RELN: variants seen among roughly 807,000 people sequenced by gnomAD.
The protein encoded by RELN is reelin.
A neutral mutation model predicts 427.6 loss-of-function variants in RELN; 108 were observed. That is an observed-to-expected ratio of 0.25 (90% CI 0.22 to 0.30). The LOEUF is 0.30. Among genes scored for constraint, RELN ranks in the 10% least tolerant of loss-of-function variants. The pLI, the probability that RELN is intolerant of heterozygous loss-of-function variation, is 1.00. For synonymous variants in RELN, 1,524 were observed against 1,513.4 expected (o/e 1.01, Z -0.16); for missense variants, 3,715 against 4,302.8 (o/e 0.86, Z 3.82).
Position 103,652,732 on chromosome 7 carries a change from T to G in RELN, c.1582A>C (p.Asn528His). ...KVPSLVSVVI[N>H]PELQTPATKF... is the part of the protein sequence containing the mutation. ...GTAGCAGGAGTCTGAAGTTCAGGATTGATGACCACAGAAACCAAAGACGGA... is the reference window on the plus strand; with the variant it reads ...GTAGCAGGAGTCTGAAGTTCAGGATGGATGACCACAGAAACCAAAGACGGA... Residue 528 changes from asparagine (N) to histidine (H), a missense_variant, in exon 14 of 65, where the codon AAT becomes CAT. Coordinates refer to ENST00000428762, the MANE Select transcript of RELN (RefSeq NM_005045.4). 2 of 1,612,800 alleles carry G rather than the reference T, an allele frequency of 1.2e-6. No homozygotes were observed. Among genetic ancestry groups the G allele is most frequent in the South Asian group, 1.1e-5 (1 of 91,058 alleles).
At chr7:103,958,084 G>T (rs542344730) in intron 1 of RELN, among the ~76,000 whole-genome samples, 2 of 152,296 alleles carry the variant, frequency 1.3e-5, no homozygotes, top group African/African-American at 4.8e-5. Flanking sequence ...GGGCAGAATA[G>T]TATCTACCTC....
At chr7:103,704,005 C>T (rs1722620304) in intron 8 of RELN, among the ~76,000 whole-genome samples, 1 of 152,154 alleles carries the variant, frequency 6.6e-6, no homozygotes, top group Non-Finnish European at 1.5e-5. Context: ...TACTGAGGAG[C>T]CCACACAGTC....
intron 42 of RELN, 88 bp downstream of exon 42, chr7:103,545,036 A>T: frequency 1.1e-6 from 1 of 907,110 alleles, no homozygotes; most frequent in Non-Finnish European, 1.8e-6. Context: ...TATTAGAATT[A>T]AACTTAATGA....
intron 11 of RELN, among the ~76,000 whole-genome samples, chr7:103,663,267 C>G (rs1212884318): frequency 6.6e-6 from 1 of 152,134 alleles, no homozygotes; most frequent in Non-Finnish European, 1.5e-5. Flanking sequence ...CCTGATATGT[C>G]AGCTCCTAAG....
chr7:103,914,323 C>T (rs1795434991), intron 2 of RELN, among the ~76,000 whole-genome samples: 1 of 151,966 alleles, frequency 6.6e-6, no homozygotes, highest in East Asian at 1.9e-4. Context: ...GACAGTTTGT[C>T]AGTTCTGACA....
At chr7:103,841,998 A>G (rs1793562529) in intron 2 of RELN, among the ~76,000 whole-genome samples, 1 of 152,166 alleles carries the variant, frequency 6.6e-6, no homozygotes, top group African/African-American at 2.4e-5. Flanking sequence ...AGTACATTAA[A>G]ATTATGATTT....
At chr7:103,939,733 AAATGTTC>A (rs1441836000) in intron 1 of RELN, among the ~76,000 whole-genome samples, 2 of 152,240 alleles carry the variant, frequency 1.3e-5, no homozygotes, top group African/African-American at 4.8e-5. Flanking sequence ...GGAACAGCCT[AAATGTTC>A]AATGTTCAAA....
At chr7:103,544,402 T>C (rs575619199) in intron 42 of RELN, among the ~76,000 whole-genome samples, 85 of 151,894 alleles carry the variant, frequency 5.6e-4, no homozygotes, top group South Asian at 3.1e-3. Flanking sequence ...CTTTTTTGTA[T>C]TTTTAGTAGA....
At chr7:103,779,242 T>C (rs901339857) in intron 3 of RELN, among the ~76,000 whole-genome samples, 1 of 152,134 alleles carries the variant, frequency 6.6e-6, no homozygotes, top group African/African-American at 2.4e-5. Flanking sequence ...GTCTAGGCTT[T>C]ATATGTTCTA....
intron 17 of RELN, 84 bp from the exon 18 acceptor site, chr7:103,636,552 A>G: frequency 2.3e-6 from 2 of 867,910 alleles, no homozygotes; most frequent in South Asian, 2.8e-5. Context: ...GAAGAAGTCC[A>G]GAGACTAGGA....
intron 2 of RELN, among the ~76,000 whole-genome samples, chr7:103,869,770 A>G (rs1204130001): frequency 6.6e-6 from 1 of 152,154 alleles, no homozygotes; most frequent in Admixed American, 6.6e-5. Flanking sequence ...GAGCTTCTTG[A>G]ATTTGCAAAT....
Position 103,637,216 on chromosome 7 carries a change from G to A in RELN, c.2070-748C>T, listed in dbSNP as rs142770106. On this transcript the variant is annotated intron_variant, in intron 17 of 64. Transcript: ENST00000428762. ...ATGAATCAGCAATGGAAACATCTACGTTTTAAGGAGATTATTCATCAGGAA... is the reference window on the plus strand; with the variant it reads ...ATGAATCAGCAATGGAAACATCTACATTTTAAGGAGATTATTCATCAGGAA... Among the ~76,000 whole-genome samples, 64 of 152,312 alleles carry A rather than the reference G, an allele frequency of 4.2e-4. 1 individual carries two copies. Among genetic ancestry groups the A allele is most frequent in the African/African-American group, 1.4e-3 (59 of 41,572 alleles).
At chr7:103,802,398 A>T (rs1792490249) in intron 3 of RELN, among the ~76,000 whole-genome samples, 2 of 152,184 alleles carry the variant, frequency 1.3e-5, no homozygotes, top group South Asian at 4.1e-4. Flanking sequence ...AGGACATTTA[A>T]ATATTAAGTA....
chr7:103,639,671 T>A (rs886378599), intron 17 of RELN, among the ~76,000 whole-genome samples: 1 of 152,106 alleles, frequency 6.6e-6, no homozygotes, highest in Non-Finnish European at 1.5e-5. Flanking sequence ...AGTACTGGAA[T>A]TACAGGCATG....
intron 36 of RELN, among the ~76,000 whole-genome samples, chr7:103,560,206 ATT>A (rs1830613283): frequency 1.3e-5 from 2 of 152,200 alleles, no homozygotes; most frequent in African/African-American, 4.8e-5. Context: ...AATGTGAGAA[ATT>A]CTTTTGCAAC....
chr7:103,978,092 TTTTA>T (rs762439283), intron 1 of RELN, among the ~76,000 whole-genome samples: 30 of 152,288 alleles, frequency 2.0e-4, no homozygotes, highest in African/African-American at 4.1e-4. Context: ...ATGAACATCT[TTTTA>T]TTTGAGATTA....
chr7:103,484,891 A>G (rs1273266735), intron 61 of RELN, among the ~76,000 whole-genome samples: 6 of 152,196 alleles, frequency 3.9e-5, no homozygotes, highest in African/African-American at 1.4e-4. Context: ...GGCTGTCTGG[A>G]GATCAGAGCT....
At chr7:103,859,646 A>C (rs1794027070) in intron 2 of RELN, among the ~76,000 whole-genome samples, 1 of 152,192 alleles carries the variant, frequency 6.6e-6, no homozygotes, top group Non-Finnish European at 1.5e-5. Flanking sequence ...TATAAATAGA[A>C]TATTAATTGG....
At chr7:103,596,197 G>A (rs187552469) in intron 25 of RELN, among the ~76,000 whole-genome samples, 4 of 152,328 alleles carry the variant, frequency 2.6e-5, no homozygotes. Flanking sequence ...GTTTCTTTGA[G>A]TAAACAGTGG....
Sources: allele counts gnomAD v4.1 joint callset (sites outside exome capture counted in the v4.1 genomes callset), GRCh38; gene constraint gnomAD v4.1.1; transcripts MANE v1.5; gene names NCBI Gene and HGNC (gene_info 2026-07-23, HGNC 2026-07-21).